Variants in SYNC observed in about 807,000 individuals in gnomAD.
SYNC encodes syncoilin, intermediate filament protein.
A neutral mutation model predicts 49.5 loss-of-function variants in SYNC; 38 were observed. The observed-to-expected ratio is 0.77, with a 90% confidence interval of 0.59 to 1.01. The LOEUF (loss-of-function observed/expected upper bound fraction) is 1.01. Among genes scored for constraint, SYNC ranks in the 50% least tolerant of loss-of-function variants. The probability of loss-of-function intolerance (pLI) is 0.00; values close to 1 mark genes in which losing one functional copy is unlikely to be tolerated. For synonymous variants in SYNC, 201 were observed against 230.8 expected, an observed-to-expected ratio of 0.87 and a Z score of 1.17; for missense variants, 579 against 580.6, an observed-to-expected ratio of 1.00 and a Z score of 0.03.
At chr1:32,684,638 G>T in intron 2 of SYNC, 2 of 450,886 alleles carry the variant, frequency 4.4e-6, no homozygotes, top group South Asian at 2.5e-5. Flanking sequence ...ATCCTGGGAG[G>T]GTGATTGGGA....
intron 2 of SYNC, among the ~76,000 whole-genome samples, chr1:32,687,291 G>A (rs1250796985): frequency 6.6e-6 from 1 of 151,258 alleles, no homozygotes; most frequent in African/African-American, 2.4e-5. Context: ...AACCTGGGAG[G>A]CGGAGGTTGC....
At chr1:32,684,908 A>G (rs1316882406) in intron 2 of SYNC, 1 of 153,396 alleles carries the variant, frequency 6.5e-6, no homozygotes, top group Non-Finnish European at 1.5e-5. Context: ...TTTGTGTCCA[A>G]AGCTCCTTAA....
chr1:32,690,385 T>A (rs1008568896), intron 2 of SYNC, among the ~76,000 whole-genome samples: 3 of 151,944 alleles, frequency 2.0e-5, no homozygotes, highest in Non-Finnish European at 2.9e-5. Context: ...CACCAGTACT[T>A]CTTGTAATCC....
rs58903413 is a variant in SYNC, at chr1:32,699,728, CTT to C, written c.53+2878_53+2879del. Among the ~76,000 whole-genome samples, 544 of 125,954 alleles carry C rather than the reference CTT, an allele frequency of 4.3e-3. 4 individuals carry two copies. The highest frequency in any genetic ancestry group is 0.012 in the African/African-American group (414 of 34,556). 82.6% of individuals were successfully genotyped at this position (125,954 alleles called of 152,430 possible). A position where few individuals can be genotyped will look rare whatever the true frequency, so the allele number is the denominator to read the frequency against. On this transcript the variant is annotated intron_variant, in intron 1 of 4. Transcript: ENST00000409190. Reference sequence around the variant, plus strand: ...CCTTAAAGATGTGGCCCAAACATACCTTTTTTTTTTTTTTTCTTTTTTTGAGC... The same window carrying C: ...CCTTAAAGATGTGGCCCAAACATACCTTTTTTTTTTTTTCTTTTTTTGAGC...
rs1311985146 is a variant in SYNC at position 32,695,696 on chromosome 1, C to T, written c.402G>A (p.Glu134=). Residue 134 remains glutamate, a synonymous_variant, in exon 2 of 5, where the codon GAG becomes GAA. Coordinates refer to ENST00000409190, the MANE Select transcript of SYNC (RefSeq NM_030786.3). ...PVEPGKPTSP[E]HVVYEGETVT... is the part of the protein sequence containing the mutation. ...CTGTCTCTCCCTCATAAACAACGTG[C>T]TCTGGGCTTGTGGGCTTTCCTGGCT... 1.3e-6 allele frequency: 2 copies of T among 1,551,510 alleles called. No homozygotes were observed. Among genetic ancestry groups the T allele is most frequent in the African/African-American group, 2.7e-5 (2 of 72,980 alleles).
intron 2 of SYNC, among the ~76,000 whole-genome samples, chr1:32,691,518 A>C (rs986271895): frequency 4.7e-5 from 7 of 150,064 alleles, no homozygotes; most frequent in Admixed American, 1.4e-4. Flanking sequence ...GTGCCACTGC[A>C]CTCCAGCATG....
At chr1:32,700,953 T>G (rs962807794) in intron 1 of SYNC, among the ~76,000 whole-genome samples, 1 of 152,044 alleles carries the variant, frequency 6.6e-6, no homozygotes, top group Non-Finnish European at 1.5e-5. Flanking sequence ...TTCACTCTTG[T>G]TGCCCAGGCT....
At position 32,680,094 on chromosome 1, in the gene SYNC, A is replaced by G; in HGVS notation, c.*1756T>C. On this transcript the variant is annotated 3_prime_UTR_variant, in exon 5 of 5. Transcript: ENST00000409190. ...GGTGTCTGAGCCATGAAGTATAAAT[A>G]CTGAAAGATGTCACTTTTATTCAGG... 1 of 1,066,026 alleles carries G rather than the reference A, an allele frequency of 9.4e-7. No homozygotes were observed. The highest frequency in any genetic ancestry group is 1.1e-6 in the Non-Finnish European group (1 of 882,812). The allele number at this position is 1,066,026 out of a possible 1,614,324, so 66.0% of individuals were successfully genotyped here. A position where few individuals can be genotyped will look rare whatever the true frequency, so the allele number is the denominator to read the frequency against.
rs112382932 is a variant in SYNC, at chr1:32,680,747, TG to T, written c.*1102del. Reference sequence around the variant, plus strand: ...TCCTTCAGATGACAGTTGTTGTCCATGGTCTTTGACTATCAAGAGCAGAATT... The same window carrying T: ...TCCTTCAGATGACAGTTGTTGTCCATGTCTTTGACTATCAAGAGCAGAATT... On this transcript the variant is annotated 3_prime_UTR_variant, in exon 5 of 5. Transcript: ENST00000409190. The T allele has an allele frequency of 3.7e-3, 1,981 of 535,586 alleles. 30 individuals are homozygous for T. The highest frequency in any genetic ancestry group is 0.033 in the African/African-American group (1,684 of 50,762). 33.2% of individuals were successfully genotyped at this position (535,586 alleles called of 1,614,324 possible).
Position 32,690,968 on chromosome 1 carries a change from CA to C in SYNC, c.1233+3896del, listed in dbSNP as rs1650132701. ...GCTCAGTGGCTCACACCTATAATCC[CA>C]GTACTTTGGGAGGCCGAGGCAGGTG... On this transcript the variant is annotated intron_variant, in intron 2 of 4. Transcript: ENST00000409190. Among the ~76,000 whole-genome samples, 4 of 152,234 alleles carry C rather than the reference CA, an allele frequency of 2.6e-5. No homozygotes were observed. The South Asian group carries it at 8.3e-4, about 32-fold the overall frequency.
chr1:32,683,934 G>A, intron 4 of SYNC, 76 bp downstream of exon 4: 1 of 1,489,424 alleles, frequency 6.7e-7, no homozygotes, highest in Non-Finnish European at 9.3e-7. Context: ...CGTCCGGCCT[G>A]TTTTTAAGGC....
intron 2 of SYNC, among the ~76,000 whole-genome samples, chr1:32,693,787 A>G (rs1049363291): frequency 6.6e-6 from 1 of 152,238 alleles, no homozygotes; most frequent in Non-Finnish European, 1.5e-5. Flanking sequence ...CTTGAATGCA[A>G]GAGAGATGGG....
chr1:32,698,611 C>G (rs1472276467), intron 1 of SYNC, among the ~76,000 whole-genome samples: 1 of 152,198 alleles, frequency 6.6e-6, no homozygotes, highest in East Asian at 1.9e-4. Context: ...CCCTTCTATC[C>G]TGTCAAACGC....
chr1:32,689,037 C>G (rs1650030968), intron 2 of SYNC, among the ~76,000 whole-genome samples: 1 of 151,496 alleles, frequency 6.6e-6, no homozygotes, highest in African/African-American at 2.4e-5. Flanking sequence ...CTCCCGGGTT[C>G]AAGCAATTCT....
Position 32,684,067 on chromosome 1 carries a change from G to T in SYNC, c.1381C>A (p.Leu461Met). 1 of 1,614,100 alleles carries T rather than the reference G, an allele frequency of 6.2e-7. No homozygotes were observed. Residue 461 changes from leucine to methionine, a missense_variant, in exon 4 of 5, where the codon CTG becomes ATG. Leu to Met is a conservative substitution (Grantham distance 15, BLOSUM62 2). Transcript: ENST00000409190. ...TYKAMLLPKS[L>M]EQADAPTSQA... Reference sequence around the variant, plus strand: ...GAAGTGGGAGCATCAGCCTGTTCCAGGCTCTTGGGTAGTAGCATAGCCCTT... The same window carrying T: ...GAAGTGGGAGCATCAGCCTGTTCCATGCTCTTGGGTAGTAGCATAGCCCTT...
intron 4 of SYNC, 78 bp downstream of exon 4, chr1:32,683,932 C>T: frequency 3.4e-6 from 5 of 1,464,908 alleles, no homozygotes; most frequent in Non-Finnish European, 4.8e-6. Context: ...CCCGTCCGGC[C>T]TGTTTTTAAG....
At chr1:32,702,799 T>C, upstream of SYNC, 1 of 619,510 alleles carries the variant, frequency 1.6e-6, no homozygotes, top group Non-Finnish European at 2.0e-6. This position sits in a 1 kb window ranked among gnomAD's most constrained non-coding sequence, Gnocchi z 6.2. Flanking sequence ...CGCGCCCACT[T>C]GGCCGGGGCT....
At chr1:32,691,350 A>G (rs1007178368) in intron 2 of SYNC, among the ~76,000 whole-genome samples, 2 of 151,428 alleles carry the variant, frequency 1.3e-5, no homozygotes, top group South Asian at 4.2e-4. Flanking sequence ...AGCCGAGATC[A>G]CGCTATTGCA....
rs552882999 is a variant in SYNC, at chr1:32,694,381, C to T, written c.1233+484G>A. Among the ~76,000 whole-genome samples the T allele has an allele frequency of 1.4e-4, 21 of 151,722 alleles. No homozygotes were observed. In the East Asian group the frequency reaches 3.7e-3, roughly 27 times the overall value. On this transcript the variant is annotated intron_variant, in intron 2 of 4. Coordinates refer to ENST00000409190, the MANE Select transcript of SYNC (RefSeq NM_030786.3). ...AAAAAAACAGAGTGCAGGCCGGGCG[C>T]GGTGGCTCACACCTGTAATCCCAGC...
Sources: allele counts gnomAD v4.1 joint callset (sites outside exome capture counted in the v4.1 genomes callset), GRCh38; gene constraint gnomAD v4.1.1; non-coding constraint Gnocchi (gnomAD v3.1); transcripts MANE v1.5; gene names NCBI Gene and HGNC (gene_info 2026-07-23, HGNC 2026-07-21).